The following XPO4 variants were observed in gnomAD, a reference collection of about 807,000 sequenced individuals.
XPO4 encodes the protein exportin-4.
Under a neutral mutation model 143.0 loss-of-function variants are expected in XPO4, and 39 were observed. The observed-to-expected ratio is 0.27, with a 90% CI of 0.21 to 0.36. The LOEUF is 0.36. XPO4 is among the 10% of genes least tolerant of loss of function. The pLI, the probability that XPO4 is intolerant of heterozygous loss-of-function variation, is 1.00. For synonymous variants in XPO4, 439 were observed against 474.0 expected (o/e 0.93, Z 0.96); for missense variants, 907 against 1,348.0 (o/e 0.67, Z 5.12).
At chr13:20,793,604 A>G (rs2059314135) in intron 18 of XPO4, among the ~76,000 whole-genome samples, 1 of 152,136 alleles carries the variant, frequency 6.6e-6, no homozygotes, top group Non-Finnish European at 1.5e-5. Flanking sequence ...CTCAGGCTGG[A>G]GTGCTGTAGC....
Position 20,808,442 on chromosome 13 carries a change from C to T in XPO4, c.1633G>A (p.Val545Ile). ...LYEDIHWLIL[V>I]TGYLLADDTQ... The stretch of plus-strand genomic sequence containing the variant: ...AAAGAAACCACCAACCAACCTGTAA[C>T]TAAAATAAGCCAGTGAATATCTTCA... The change falls in exon 12 of 23, where the codon GTT becomes ATT. Residue 545 changes from valine to isoleucine, a missense_variant. Transcript: ENST00000255305. 6.6e-7 allele frequency: 1 copy of T among 1,517,922 alleles called. No individual in the cohort carries two copies. The highest frequency in any genetic ancestry group is 9.0e-7 in the Non-Finnish European group (1 of 1,114,912). The allele number at this position is 1,517,922 out of a possible 1,614,324, so 94.0% of individuals were successfully genotyped here. A position where few individuals can be genotyped will look rare whatever the true frequency, so the allele number is the denominator to read the frequency against.
intron 13 of XPO4, among the ~76,000 whole-genome samples, chr13:20,804,468 C>CA (rs2059478254): frequency 6.6e-6 from 1 of 152,082 alleles, no homozygotes; most frequent in South Asian, 2.1e-4. Context: ...TTTCCTATAA[C>CA]ATTGCTGCTT....
intron 9 of XPO4, among the ~76,000 whole-genome samples, chr13:20,816,582 C>T (rs1158702944): frequency 2.0e-5 from 3 of 152,132 alleles, no homozygotes; most frequent in Non-Finnish European, 4.4e-5. Flanking sequence ...AAAAATCTTA[C>T]AGACAGATCA....
intron 1 of XPO4, chr13:20,869,413 G>T: frequency 3.4e-6 from 2 of 581,546 alleles, no homozygotes; most frequent in South Asian, 1.5e-4. Flanking sequence ...CTGTTACATG[G>T]TTTAGTTAAC....
chr13:20,836,767 A>C lies in XPO4; in HGVS notation c.727+6128T>G, dbSNP rs903305580. 2.6e-5 allele frequency among the ~76,000 whole-genome samples: 4 copies of C among 152,212 alleles called. No individual in the cohort carries two copies. The South Asian group carries it at 8.3e-4, about 32-fold the overall frequency. On this transcript the variant is annotated intron_variant, in intron 6 of 22. Transcript: ENST00000255305. Reference sequence around the variant, plus strand: ...TGTGTGCAACCACGACCATGATCTAATCTGAGAACATTTCCATGGTACCAG... The same window carrying C: ...TGTGTGCAACCACGACCATGATCTACTCTGAGAACATTTCCATGGTACCAG...
At chr13:20,827,233 A>G in intron 6 of XPO4, 54 bp from the exon 7 acceptor site, 2 of 1,278,776 alleles carry the variant, frequency 1.6e-6, no homozygotes, top group East Asian at 4.6e-5. Context: ...TCTAAAGTAT[A>G]AGTATATCCT....
intron 6 of XPO4, among the ~76,000 whole-genome samples, chr13:20,828,008 C>T (rs2059805407): frequency 6.6e-6 from 1 of 152,202 alleles, no homozygotes; most frequent in African/African-American, 2.4e-5. Flanking sequence ...GAGGCCAAGG[C>T]AGGCGGATCA....
intron 1 of XPO4, among the ~76,000 whole-genome samples, chr13:20,888,763 A>C (rs1057022892): frequency 6.6e-5 from 10 of 152,114 alleles, no homozygotes; most frequent in Non-Finnish European, 1.2e-4. Flanking sequence ...GACATTTCAC[A>C]TTCACAATTA....
At chr13:20,786,904 T>G (rs1209682664) in intron 22 of XPO4, 61 bp downstream of exon 22, 3 of 1,404,750 alleles carry the variant, frequency 2.1e-6, no homozygotes, top group African/African-American at 1.5e-5. Flanking sequence ...ACCATCTATC[T>G]CAACAATCTC....
At chr13:20,808,715 C>T in intron 11 of XPO4, 134 bp from the exon 12 acceptor site, 1 of 696,830 alleles carries the variant, frequency 1.4e-6, no homozygotes, top group Admixed American at 3.3e-5. Context: ...TTATAGTACA[C>T]AACTGTTGTC....
In XPO4 at chr13:20,827,170, T is replaced by C; in HGVS notation, c.737A>G (p.His246Arg). ...WNFLPPNLGR[H>R]YIAMFESSQN... Reference sequence around the variant, plus strand: ...CGAGGATTCAAACATAGCTATATAATGTCTGCCCAGTTATTTGGTGTCAAG... The same window carrying C: ...CGAGGATTCAAACATAGCTATATAACGTCTGCCCAGTTATTTGGTGTCAAG... Residue 246 changes from histidine (H) to arginine (R), a missense_variant, in exon 7 of 23, where the codon CAT (histidine) becomes CGT (arginine). Coordinates refer to ENST00000255305, the MANE Select transcript of XPO4 (RefSeq NM_022459.5). 1.9e-6 allele frequency: 3 copies of C among 1,612,580 alleles called. No homozygotes were observed. Among genetic ancestry groups the C allele is most frequent in the Non-Finnish European group, 2.5e-6 (3 of 1,178,662 alleles).
intron 10 of XPO4, 124 bp from the exon 11 acceptor site, chr13:20,809,349 C>T (rs962163219): frequency 1.4e-5 from 17 of 1,234,404 alleles, no homozygotes; most frequent in Admixed American, 5.3e-5. Flanking sequence ...GGGACACAGC[C>T]GACCTTTGAG....
At chr13:20,860,477 G>A (rs935637938) in intron 3 of XPO4, among the ~76,000 whole-genome samples, 12 of 152,068 alleles carry the variant, frequency 7.9e-5, no homozygotes, top group African/African-American at 2.7e-4. Flanking sequence ...AACAAAACAC[G>A]TATCTCTTCC....
At chr13:20,830,947 GAAT>G (rs1005162600) in intron 6 of XPO4, among the ~76,000 whole-genome samples, 40 of 152,086 alleles carry the variant, frequency 2.6e-4, no homozygotes, top group African/African-American at 9.4e-4. Flanking sequence ...AATGTGGGCA[GAAT>G]AATGATACAC....
intron 9 of XPO4, among the ~76,000 whole-genome samples, chr13:20,813,301 C>G (rs2059607204): frequency 6.6e-6 from 1 of 152,126 alleles, no homozygotes; most frequent in Non-Finnish European, 1.5e-5. Flanking sequence ...ATATAACCAA[C>G]AAGAAACTAG....
intron 1 of XPO4, among the ~76,000 whole-genome samples, chr13:20,877,671 C>A (rs1315883247): frequency 6.6e-6 from 1 of 152,112 alleles, no homozygotes; most frequent in Non-Finnish European, 1.5e-5. Flanking sequence ...AAAACTAAAC[C>A]TATCTTTTTA....
At chr13:20,839,694 TAGTC>T (rs2059954617) in intron 6 of XPO4, among the ~76,000 whole-genome samples, 1 of 151,938 alleles carries the variant, frequency 6.6e-6, no homozygotes, top group African/African-American at 2.4e-5. Flanking sequence ...ATAAAAAAAT[TAGTC>T]AGGGCCAGGT....
chr13:20,815,654 C>T (rs904557176), intron 9 of XPO4, among the ~76,000 whole-genome samples: 2 of 152,140 alleles, frequency 1.3e-5, no homozygotes, highest in East Asian at 1.9e-4. Flanking sequence ...TCAAGATTAT[C>T]TTCATATGTA....
intron 1 of XPO4, 128 bp downstream of exon 1, chr13:20,902,542 T>A (rs879195191): frequency 7.6e-7 from 1 of 1,320,140 alleles, no homozygotes. Flanking sequence ...CACCGCCACC[T>A]CCTCCTCCAC....
Sources: gnomAD v4.1 joint callset for allele counts (sites outside exome capture counted in the v4.1 genomes callset) on GRCh38, gnomAD v4.1.1 for gene constraint, MANE v1.5 for transcripts, NCBI Gene and HGNC (gene_info 2026-07-23, HGNC 2026-07-21) for gene names.